PNPLA4: variants seen among roughly 807,000 people sequenced by gnomAD.
PNPLA4 encodes patatin-like phospholipase domain-containing protein 4.
In PNPLA4, 15 loss-of-function variants were observed where a neutral mutation model predicts 18.3. The ratio of observed to expected loss-of-function variants is 0.82; its 90% CI spans 0.55 to 1.26. The LOEUF is 1.26. Ranked by LOEUF, PNPLA4 falls within the 50% of genes most tolerant of loss-of-function variation. The pLI is 0.00. For missense variants in PNPLA4, 229 were observed against 196.8 expected, an observed-to-expected ratio of 1.16 and a Z score of -0.98; for synonymous variants, 88 against 85.6, an observed-to-expected ratio of 1.03 and a Z score of -0.16.
At chrX:7,913,274 C>T (rs1923933097) in intron 4 of PNPLA4, among the ~76,000 whole-genome samples, 1 of 111,977 alleles carries the variant, frequency 8.9e-6, no homozygotes, top group East Asian at 2.8e-4. Flanking sequence ...CCTGGTATGT[C>T]CAGCCCTTGG....
At chrX:7,917,554 T>A (rs377560108) in intron 4 of PNPLA4, among the ~76,000 whole-genome samples, 5 of 112,288 alleles carry the variant, frequency 4.5e-5, no homozygotes, top group African/African-American at 1.3e-4. Flanking sequence ...ATTCGTTCAT[T>A]ATTTATGAAA....
chrX:7,910,816 CTATT>C (rs1459302174), intron 5 of PNPLA4, among the ~76,000 whole-genome samples: 3 of 108,431 alleles, frequency 2.8e-5, no homozygotes, highest in African/African-American at 6.7e-5. Flanking sequence ...GATACCTACT[CTATT>C]TAATTATAAA....
chrX:7,908,010 C>T (rs1335389201), intron 5 of PNPLA4, among the ~76,000 whole-genome samples: 1 of 110,726 alleles, frequency 9.0e-6, no homozygotes, highest in Non-Finnish European at 1.9e-5. Context: ...TGAAAGGACT[C>T]ATACTGGTAT....
chrX:7,921,628 GA>G, intron 4 of PNPLA4, 84 bp downstream of exon 4: 1 of 834,934 alleles, frequency 1.2e-6, no homozygotes, highest in East Asian at 3.1e-5. Flanking sequence ...AGGATCTAAA[GA>G]ACGTGGTAAT....
Position 7,921,822 on chromosome X carries a change from G to A in PNPLA4, c.302C>T (p.Pro101Leu). 1 of 1,209,540 alleles carries A rather than the reference G, an allele frequency of 8.3e-7. No individual in the cohort carries two copies. The highest frequency in any genetic ancestry group is 1.1e-6 in the Non-Finnish European group (1 of 893,823). ...GTTCTGGGCCAGCTCGTGAGCGCTGGGAGGAAGAATCGACTCCATCCCACT... is the reference window on the plus strand; with the variant it reads ...GTTCTGGGCCAGCTCGTGAGCGCTGAGAGGAAGAATCGACTCCATCCCACT... ...LRSGMESILPPSAHELAQNRL... is the reference protein window; with the variant it reads ...LRSGMESILPLSAHELAQNRL... The change falls in exon 4 of 7, where the codon CCC (proline) becomes CTC (leucine). Residue 101 changes from proline (P) to leucine (L), a missense_variant. Physicochemically the swap from Pro to Leu is moderately conservative, Grantham distance 98. Coordinates refer to ENST00000381042, the MANE Select transcript of PNPLA4 (RefSeq NM_004650.3).
chrX:7,919,787 G>A (rs1311526484), intron 4 of PNPLA4, among the ~76,000 whole-genome samples: 1 of 111,883 alleles, frequency 8.9e-6, no homozygotes, highest in Admixed American at 9.5e-5. Flanking sequence ...TATAGTTAGG[G>A]AAGAATGCTA....
At chrX:7,914,740 T>A (rs1437375146) in intron 4 of PNPLA4, among the ~76,000 whole-genome samples, 3 of 102,635 alleles carry the variant, frequency 2.9e-5, no homozygotes, top group African/African-American at 1.1e-4. Context: ...TAGAATTATG[T>A]TTTTTTTTTC....
chrX:7,924,349 C>A (rs1225993061), intron 2 of PNPLA4, among the ~76,000 whole-genome samples: 8 of 111,690 alleles, frequency 7.2e-5, no homozygotes, highest in Non-Finnish European at 1.5e-4. Flanking sequence ...ACCGAGCGAA[C>A]ACGAATCTGA....
intron 6 of PNPLA4, 91 bp from the exon 7 acceptor site, chrX:7,900,908 A>T: frequency 5.4e-6 from 4 of 735,181 alleles, no homozygotes; most frequent in Non-Finnish European, 5.8e-6. Flanking sequence ...CTTATCACAG[A>T]TACAATTAGC....
At chrX:7,925,853 T>A in intron 2 of PNPLA4, 87 bp downstream of exon 2, 1 of 757,460 alleles carries the variant, frequency 1.3e-6, no homozygotes, top group Non-Finnish European at 1.9e-6. Flanking sequence ...TTCTCTGCAG[T>A]GTTAACTTAG....
intron 1 of PNPLA4, among the ~76,000 whole-genome samples, chrX:7,927,068 A>G (rs1338629519): frequency 1.8e-5 from 2 of 113,016 alleles, no homozygotes; most frequent in Admixed American, 9.2e-5. Flanking sequence ...GCGTCCGCGT[A>G]GGCTGAGTCC....
In PNPLA4 at chrX:7,922,010, C is replaced by T. The variant is rs767714512; in HGVS notation, c.269G>A (p.Arg90Gln). Residue 90 changes from arginine to glutamine, a missense_variant, in exon 3 of 7, where the codon CGA becomes CAA. Arg to Gln is a conservative substitution (Grantham distance 43). Coordinates refer to ENST00000381042, the MANE Select transcript of PNPLA4 (RefSeq NM_004650.3). ...AVTPGYDFMA[R>Q]LRSGMESILP... is the part of the protein sequence containing the mutation. ...CAAAATGTACTCTGTATACCTTAGTCGGGCCATGAAGTCATAACCGGGCGT... is the reference window on the plus strand; with the variant it reads ...CAAAATGTACTCTGTATACCTTAGTTGGGCCATGAAGTCATAACCGGGCGT... 9.3e-5 allele frequency: 112 copies of T among 1,200,146 alleles called. No individual in the cohort carries two copies. The highest frequency in any genetic ancestry group is 1.2e-4 in the Non-Finnish European group (103 of 886,657).
chrX:7,915,001 T>C lies in PNPLA4; in HGVS notation c.412-2908A>G, dbSNP rs1432283172. On this transcript the variant is annotated intron_variant, in intron 4 of 6. Transcript: ENST00000381042. ...GATTTGTATATCAAACCAAGTTTAGTTGGGAAATTAGCTTTAGATAGTTAA... is the reference window on the plus strand; with the variant it reads ...GATTTGTATATCAAACCAAGTTTAGCTGGGAAATTAGCTTTAGATAGTTAA... Among the ~76,000 whole-genome samples the C allele has an allele frequency of 9.8e-5, 11 of 112,060 alleles. No individual in the cohort carries two copies. The Admixed American group carries it at 1.0e-3, about 11-fold the overall frequency.
chrX:7,905,193 T>C (rs1923669498), intron 5 of PNPLA4, among the ~76,000 whole-genome samples: 1 of 112,585 alleles, frequency 8.9e-6, no homozygotes, highest in African/African-American at 3.2e-5. Flanking sequence ...TCTCTGAAAG[T>C]TATAGCACTG....
chrX:7,903,393 A>G (rs1463197767), intron 5 of PNPLA4, among the ~76,000 whole-genome samples: 3 of 109,885 alleles, frequency 2.7e-5, no homozygotes, highest in Non-Finnish European at 3.8e-5. Flanking sequence ...TCCGCCTCCC[A>G]GGTTCACGCC....
intron 1 of PNPLA4, 34 bp from the exon 2 acceptor site, chrX:7,926,166 G>A (rs1290321788): frequency 8.5e-6 from 9 of 1,054,780 alleles, no homozygotes; most frequent in Non-Finnish European, 1.2e-5. Flanking sequence ...GCTGTAAGTT[G>A]GAATAGTTTA....
intron 5 of PNPLA4, among the ~76,000 whole-genome samples, chrX:7,911,290 G>A (rs908570468): frequency 7.1e-5 from 8 of 111,995 alleles, no homozygotes; most frequent in Non-Finnish European, 1.5e-4. Context: ...ATACGTATCT[G>A]TGACATATGT....
chrX:7,916,155 G>A (rs1190868870), intron 4 of PNPLA4, among the ~76,000 whole-genome samples: 3 of 111,838 alleles, frequency 2.7e-5, no homozygotes, highest in African/African-American at 6.5e-5. Flanking sequence ...GGAACTCTAC[G>A]ACGCCATTGC....
At chrX:7,923,531 G>A (rs1248496998) in intron 2 of PNPLA4, among the ~76,000 whole-genome samples, 2 of 111,936 alleles carry the variant, frequency 1.8e-5, no homozygotes, top group Non-Finnish European at 3.8e-5. Flanking sequence ...AAGCCACTAC[G>A]CTGAAGGTCC....
Sources: allele counts gnomAD v4.1 joint callset (sites outside exome capture counted in the v4.1 genomes callset), GRCh38; gene constraint gnomAD v4.1.1; transcripts MANE v1.5; gene names NCBI Gene and HGNC (gene_info 2026-07-23, HGNC 2026-07-21).